The following PAK5 variants were observed in gnomAD, a reference collection of about 807,000 sequenced individuals.
PAK5 encodes the protein serine/threonine-protein kinase PAK 5.
PAK5 carries 16 observed loss-of-function variants against 65.9 expected under a neutral mutation model. The ratio of observed to expected loss-of-function variants is 0.24; its 90% CI spans 0.16 to 0.37. The LOEUF (loss-of-function observed/expected upper bound fraction) is 0.37. PAK5 is among the 10% of genes least tolerant of loss of function. The pLI, the probability that PAK5 is intolerant of heterozygous loss-of-function variation, is 1.00. For synonymous variants in PAK5, 371 were observed against 354.9 expected (o/e 1.05, Z -0.51); for missense variants, 785 against 903.9 (o/e 0.87, Z 1.69).
intron 2 of PAK5, among the ~76,000 whole-genome samples, chr20:9,660,909 G>A (rs1600211735): frequency 1.3e-5 from 2 of 152,098 alleles, no homozygotes; most frequent in South Asian, 4.1e-4. Flanking sequence ...AAGTGTGGTC[G>A]CAGACCAGCA....
intron 1 of PAK5, among the ~76,000 whole-genome samples, chr20:9,834,431 C>T (rs1314628210): frequency 6.6e-6 from 1 of 152,110 alleles, no homozygotes; most frequent in East Asian, 1.9e-4. Context: ...CAGAAACACA[C>T]CAGGAACTTG....
intron 2 of PAK5, among the ~76,000 whole-genome samples, chr20:9,670,885 T>G (rs1460468563): frequency 6.6e-6 from 1 of 152,218 alleles, no homozygotes; most frequent in Non-Finnish European, 1.5e-5. Flanking sequence ...TAGGTTTTCT[T>G]CTAGGGTTTT....
intron 4 of PAK5, chr20:9,577,435 A>G (rs997290795): frequency 8.3e-5 from 11 of 133,232 alleles, no homozygotes; most frequent in African/African-American, 3.1e-4. Context: ...GACCCTCCTC[A>G]TTTCTGCTTC....
intron 1 of PAK5, among the ~76,000 whole-genome samples, chr20:9,781,623 C>T (rs182769843): frequency 3.3e-5 from 5 of 152,264 alleles, no homozygotes; most frequent in African/African-American, 9.6e-5. Flanking sequence ...GATCTTCCCT[C>T]CTGAGCTAAC....
chr20:9,735,770 C>A (rs1424307011), intron 1 of PAK5, among the ~76,000 whole-genome samples: 5 of 151,950 alleles, frequency 3.3e-5, no homozygotes, highest in African/African-American at 1.2e-4. Context: ...TGCCTGTAAT[C>A]CCAGCACTTT....
In PAK5 at chr20:9,826,604, A is replaced by T. The variant is rs139355353; in HGVS notation, c.-162+12158T>A. Among the ~76,000 whole-genome samples the T allele has an allele frequency of 3.2e-3, 484 of 152,288 alleles. 4 individuals carry two copies. The highest frequency in any genetic ancestry group is 0.011 in the African/African-American group (456 of 41,566). ...TTCTATCTCCGAGAATTCTGCCGCAAATATATCTGACTAGAAGCCTGAAAA... is the reference window on the plus strand; with the variant it reads ...TTCTATCTCCGAGAATTCTGCCGCATATATATCTGACTAGAAGCCTGAAAA... On this transcript the variant is annotated intron_variant, in intron 1 of 9. Coordinates refer to ENST00000353224, the MANE Select transcript of PAK5 (RefSeq NM_177990.4).
chr20:9,611,134 C>G (rs922957171), intron 3 of PAK5, among the ~76,000 whole-genome samples: 1 of 152,216 alleles, frequency 6.6e-6, no homozygotes, highest in African/African-American at 2.4e-5. Context: ...CCAAGATATT[C>G]ATCTCCAATG....
In PAK5 at chr20:9,580,789, C is replaced by G. The variant is rs757167550; in HGVS notation, c.346G>C (p.Gly116Arg). Reference sequence around the variant, plus strand: ...CCATTTTCTTCCGCGTGGCCTGGACCGTGGCTGGAGGCTCCCTGATCTGGG... The same window carrying G: ...CCATTTTCTTCCGCGTGGCCTGGACGGTGGCTGGAGGCTCCCTGATCTGGG... ...PTPDQGASSH[G>R]PGHAEENGFI... is the part of the protein sequence containing the mutation. The change falls in exon 4 of 10, where the codon GGT becomes CGT. Residue 116 changes from glycine to arginine, a missense_variant. By Grantham distance (125) the Gly-to-Arg change is moderately radical. Around this residue, in one of 4 missense-constraint regions of PAK5, gnomAD observed 422 missense variants for 413.3 expected, o/e 1.02. Coordinates refer to ENST00000353224, the MANE Select transcript of PAK5 (RefSeq NM_177990.4). The G allele has an allele frequency of 2.5e-6, 4 of 1,613,856 alleles. No homozygotes were observed. Among genetic ancestry groups the G allele is most frequent in the Non-Finnish European group, 2.5e-6 (3 of 1,179,974 alleles).
chr20:9,703,297 G>T (rs2047963303), intron 2 of PAK5, among the ~76,000 whole-genome samples: 1 of 152,152 alleles, frequency 6.6e-6, no homozygotes, highest in Admixed American at 6.6e-5. Context: ...GCATTATGTT[G>T]TATGGTGAAT....
chr20:9,761,636 T>A (rs1338699811), intron 1 of PAK5, among the ~76,000 whole-genome samples: 1 of 152,084 alleles, frequency 6.6e-6, no homozygotes, highest in African/African-American at 2.4e-5. Context: ...ACTTCCCAAT[T>A]TAAAATTATA....
intron 1 of PAK5, among the ~76,000 whole-genome samples, chr20:9,779,646 C>A (rs963640635): frequency 2.6e-5 from 4 of 151,666 alleles, no homozygotes; most frequent in Non-Finnish European, 5.9e-5. Context: ...AGCTCAGTAG[C>A]CATCTTTACA....
rs938644890 is a variant in PAK5 at position 9,719,403 on chromosome 20, A to T, written c.-161-7968T>A. Among the ~76,000 whole-genome samples, 10 of 152,296 alleles carry T rather than the reference A, an allele frequency of 6.6e-5. No homozygotes were observed. In the South Asian group the frequency reaches 2.1e-3, roughly 32 times the overall value. ...ATAATAAAACTCAGTTTTTGAAAAC[A>T]TCTTCACCTTTTCCTACAGGAAAAT... On this transcript the variant is annotated intron_variant, in intron 1 of 9. Coordinates refer to ENST00000353224, the MANE Select transcript of PAK5 (RefSeq NM_177990.4).
intron 1 of PAK5, among the ~76,000 whole-genome samples, chr20:9,795,773 C>A (rs2049097840): frequency 6.6e-6 from 1 of 151,738 alleles, no homozygotes; most frequent in Non-Finnish European, 1.5e-5. Context: ...ATTGCCATTA[C>A]CTGGAAAAAG....
At chr20:9,806,236 G>A (rs2049231814) in intron 1 of PAK5, among the ~76,000 whole-genome samples, 2 of 152,036 alleles carry the variant, frequency 1.3e-5, no homozygotes, top group South Asian at 4.2e-4. Flanking sequence ...TGACCTGCCC[G>A]CCTCTGCCTC....
chr20:9,616,951 C>A (rs2046668078), intron 3 of PAK5, among the ~76,000 whole-genome samples: 1 of 152,122 alleles, frequency 6.6e-6, no homozygotes, highest in Non-Finnish European at 1.5e-5. Flanking sequence ...TGGAGTTGTA[C>A]AAAAATACGG....
chr20:9,574,086 G>A (rs973742977), intron 4 of PAK5, among the ~76,000 whole-genome samples: 2 of 152,282 alleles, frequency 1.3e-5, no homozygotes, highest in East Asian at 3.9e-4. Context: ...TTTGGGAAGG[G>A]AAAACGACTG....
At chr20:9,544,618 T>C (rs969134414) in intron 7 of PAK5, 124 bp from the exon 8 acceptor site, 1 of 838,578 alleles carries the variant, frequency 1.2e-6, no homozygotes, top group African/African-American at 1.7e-5. Flanking sequence ...CTTGGACATA[T>C]CAGAGGAGGG....
intron 3 of PAK5, among the ~76,000 whole-genome samples, chr20:9,628,310 GA>G (rs1569008324): frequency 6.6e-6 from 1 of 152,200 alleles, no homozygotes; most frequent in African/African-American, 2.4e-5. Context: ...GAAGAATCAA[GA>G]TTTTTTTATT....
At chr20:9,556,942 C>G (rs191198981) in intron 7 of PAK5, among the ~76,000 whole-genome samples, 1 of 152,266 alleles carries the variant, frequency 6.6e-6, no homozygotes, top group East Asian at 1.9e-4. Context: ...GATTTATTCT[C>G]TCAGCTCTCA....
Sources: allele counts gnomAD v4.1 joint callset (sites outside exome capture counted in the v4.1 genomes callset), GRCh38; gene constraint gnomAD v4.1.1; regional missense constraint gnomAD v4.1.1; transcripts MANE v1.5; gene names NCBI Gene and HGNC (gene_info 2026-07-23, HGNC 2026-07-21).